TMEM232: variants seen among roughly 807,000 people sequenced by gnomAD.
TMEM232 encodes transmembrane protein 232.
In TMEM232, 80 loss-of-function variants were observed where a neutral mutation model predicts 78.8. That is an observed-to-expected ratio of 1.01 (90% CI 0.85 to 1.22). The LOEUF (loss-of-function observed/expected upper bound fraction) is 1.22. TMEM232 is among the 50% of genes most tolerant of loss of function. TMEM232 has a pLI of 0.00. For synonymous variants in TMEM232, 297 were observed against 254.3 expected (o/e 1.17, Z -1.60); for missense variants, 881 against 742.2 (o/e 1.19, Z -2.17).
At chr5:110,515,398 G>A (rs1768460528) in intron 12 of TMEM232, among the ~76,000 whole-genome samples, 1 of 152,162 alleles carries the variant, frequency 6.6e-6, no homozygotes, top group Non-Finnish European at 1.5e-5. Context: ...GTTCTGGGCA[G>A]CTGGCATTTC....
intron 10 of TMEM232, among the ~76,000 whole-genome samples, chr5:110,595,762 GATGTGGGACC>G (rs1780082671): frequency 6.6e-6 from 1 of 152,082 alleles, no homozygotes; most frequent in African/African-American, 2.4e-5. Context: ...ACCCCCAAGA[GATGTGGGACC>G]ATGTGGAAAG....
At chr5:110,452,901 C>T (rs1760477018) in intron 12 of TMEM232, among the ~76,000 whole-genome samples, 1 of 152,192 alleles carries the variant, frequency 6.6e-6, no homozygotes, top group Admixed American at 6.5e-5. Context: ...TGTAAAAGTA[C>T]TGTGCATTAA....
chr5:110,614,582 G>A (rs760666892), intron 8 of TMEM232, among the ~76,000 whole-genome samples: 8 of 152,074 alleles, frequency 5.3e-5, no homozygotes, highest in South Asian at 2.1e-4. Context: ...TCCACCATTC[G>A]ATATTCTTAA....
intron 1 of TMEM232, among the ~76,000 whole-genome samples, chr5:110,714,163 A>AAC: frequency 6.6e-6 from 1 of 152,228 alleles, no homozygotes; most frequent in East Asian, 1.9e-4. Context: ...CTGAGAGTAT[A>AAC]ATTTGGCAAG....
chr5:110,667,412 A>T (rs560409940), intron 1 of TMEM232, 48 bp from the exon 2 acceptor site: 2 of 1,340,604 alleles, frequency 1.5e-6, no homozygotes, highest in African/African-American at 1.5e-5. Flanking sequence ...CACTCATAGT[A>T]TCAAACAACA....
intron 7 of TMEM232, among the ~76,000 whole-genome samples, chr5:110,624,125 A>C (rs1294445456): frequency 6.6e-6 from 1 of 152,166 alleles, no homozygotes; most frequent in African/African-American, 2.4e-5. Flanking sequence ...ATTTCATGGA[A>C]TCCTATTTGT....
chr5:110,512,159 T>C (rs1767858768), intron 12 of TMEM232, among the ~76,000 whole-genome samples: 1 of 152,234 alleles, frequency 6.6e-6, no homozygotes, highest in Non-Finnish European at 1.5e-5. Flanking sequence ...TTAATTAACA[T>C]CTATCTCCAA....
At chr5:110,673,601 CTAG>C (rs1269580992) in intron 1 of TMEM232, among the ~76,000 whole-genome samples, 6 of 152,088 alleles carry the variant, frequency 3.9e-5, no homozygotes, top group Non-Finnish European at 1.5e-5. Context: ...TTCAATTCAC[CTAG>C]TAGAACCCAG....
chr5:110,456,354 AATCT>A (rs1342591850), intron 12 of TMEM232, among the ~76,000 whole-genome samples: 3 of 152,262 alleles, frequency 2.0e-5, no homozygotes, highest in African/African-American at 7.2e-5. Context: ...AAATATGAAG[AATCT>A]ATATGCAACA....
At chr5:110,591,195 C>T (rs555842634) in intron 10 of TMEM232, among the ~76,000 whole-genome samples, 74 of 152,266 alleles carry the variant, frequency 4.9e-4, no homozygotes, top group African/African-American at 1.7e-3. Context: ...TGGTGTCTCA[C>T]GCCTACAATC....
At chr5:110,501,176 T>C (rs971370790) in intron 12 of TMEM232, among the ~76,000 whole-genome samples, 14 of 152,150 alleles carry the variant, frequency 9.2e-5, no homozygotes, top group Non-Finnish European at 5.9e-5. Context: ...TACTTTCTTA[T>C]AGAACAACAG....
chr5:110,499,668 A>G (rs1377933166), intron 12 of TMEM232, among the ~76,000 whole-genome samples: 1 of 150,256 alleles, frequency 6.7e-6, no homozygotes, highest in Non-Finnish European at 1.5e-5. Context: ...TATAAAGATA[A>G]GCATTAAAAA....
chr5:110,542,953 C>T (rs1485874789), intron 11 of TMEM232, among the ~76,000 whole-genome samples: 1 of 152,120 alleles, frequency 6.6e-6, no homozygotes, highest in East Asian at 1.9e-4. Flanking sequence ...TATTTAAACC[C>T]TAGAAAATTC....
intron 12 of TMEM232, among the ~76,000 whole-genome samples, chr5:110,504,465 G>A (rs537741556): frequency 6.6e-6 from 1 of 152,244 alleles, no homozygotes; most frequent in East Asian, 1.9e-4. Flanking sequence ...GATATGAGTA[G>A]GTGTAAACAA....
intron 12 of TMEM232, among the ~76,000 whole-genome samples, chr5:110,499,630 C>CCA (rs1456968512): frequency 1.6e-5 from 2 of 126,226 alleles, no homozygotes; most frequent in Admixed American, 7.3e-5. Flanking sequence ...TGTATACACC[C>CCA]CCCCCCACAC....
chr5:110,603,163 A>AG (rs1781157406), intron 10 of TMEM232, among the ~76,000 whole-genome samples: 1 of 152,160 alleles, frequency 6.6e-6, no homozygotes, highest in African/African-American at 2.4e-5. Flanking sequence ...AAGGGAAGGG[A>AG]GAGCATTAGG....
chr5:110,700,163 T>C (rs908753496), intron 1 of TMEM232, among the ~76,000 whole-genome samples: 9 of 152,002 alleles, frequency 5.9e-5, no homozygotes, highest in African/African-American at 1.7e-4. Flanking sequence ...TTTTCTAAGA[T>C]TGCTTGCTGG....
chr5:110,640,763 G>T, intron 4 of TMEM232, 128 bp downstream of exon 4: 4 of 477,838 alleles, frequency 8.4e-6, no homozygotes, highest in South Asian at 6.7e-5. Context: ...ATAATAAAAT[G>T]TATTTTGATA....
intron 11 of TMEM232, 68 bp downstream of exon 11, chr5:110,568,379 G>A (rs992581102): frequency 7.4e-7 from 1 of 1,356,128 alleles, no homozygotes; most frequent in Non-Finnish European, 9.9e-7. Flanking sequence ...CTTTTACCAT[G>A]GAGAGAAATG....
Sources: allele counts gnomAD v4.1 joint callset (sites outside exome capture counted in the v4.1 genomes callset), GRCh38; gene constraint gnomAD v4.1.1; transcripts MANE v1.5; gene names NCBI Gene and HGNC (gene_info 2026-07-23, HGNC 2026-07-21).